CLCN6: variants seen among roughly 807,000 people sequenced by gnomAD.
CLCN6 encodes the protein Cl-/H+ antiporter 6.
A neutral mutation model predicts 109.8 loss-of-function variants in CLCN6; 70 were observed. The observed-to-expected ratio is 0.64, with a 90% confidence interval of 0.53 to 0.78. CLCN6 has a LOEUF of 0.78. Ranked by LOEUF, CLCN6 falls within the 30% of genes least tolerant of loss-of-function variation. The pLI, the probability that CLCN6 is intolerant of heterozygous loss-of-function variation, is 0.00. For missense variants in CLCN6, 984 were observed against 1,142.3 expected (o/e 0.86, Z 2.00); for synonymous variants, 444 against 447.8 (o/e 0.99, Z 0.11).
In CLCN6 at chr1:11,828,343, A is replaced by G. The variant is rs1644838613; in HGVS notation, c.955-115A>G. 25 of 1,444,054 alleles carry G rather than the reference A, an allele frequency of 1.7e-5. 2 individuals are homozygous for G. In the African/African-American group the frequency reaches 2.2e-4, roughly 13 times the overall value. 89.5% of individuals were successfully genotyped at this position (1,444,054 alleles called of 1,614,324 possible). A position where few individuals can be genotyped will look rare whatever the true frequency, so the allele number is the denominator to read the frequency against. On this transcript the variant is annotated intron_variant, in intron 11 of 22. Transcript: ENST00000346436. ...CTTCCAGGGACACATCTCACCCATTAGCCTCTGCCGTGCGGGAAAGCAGCC... is the reference window on the plus strand; with the variant it reads ...CTTCCAGGGACACATCTCACCCATTGGCCTCTGCCGTGCGGGAAAGCAGCC...
chr1:11,819,234 CT>C, intron 4 of CLCN6, among the ~76,000 whole-genome samples: 1 of 152,210 alleles, frequency 6.6e-6, no homozygotes, highest in Non-Finnish European at 1.5e-5. Context: ...ACCTGCTTCC[CT>C]CTTTGTTTTC....
Position 11,838,665 on chromosome 1 carries a change from G to A in CLCN6, c.2529+5G>A, listed in dbSNP as rs980034962. 1.2e-6 allele frequency: 2 copies of A among 1,614,250 alleles called. No individual in the cohort carries two copies. The highest frequency in any genetic ancestry group is 2.2e-5 in the East Asian group (1 of 44,894). ...GTGGTGAACGCTGTGGGAGAGGTGAGCGAGGCCCCGGCCCTGCCCCCACCT... is the reference window on the plus strand; with the variant it reads ...GTGGTGAACGCTGTGGGAGAGGTGAACGAGGCCCCGGCCCTGCCCCCACCT... On this transcript the variant is annotated splice_donor_5th_base_variant and intron_variant, in intron 22 of 22. Coordinates refer to ENST00000346436, the MANE Select transcript of CLCN6 (RefSeq NM_001286.5).
chr1:11,835,110 C>G (rs1269051895), intron 17 of CLCN6, among the ~76,000 whole-genome samples: 1 of 152,170 alleles, frequency 6.6e-6, no homozygotes, highest in Non-Finnish European at 1.5e-5. Context: ...GAGGGCCAGA[C>G]AGGAGTTTAT....
At chr1:11,835,641 G>A (rs576709826) in intron 17 of CLCN6, among the ~76,000 whole-genome samples, 7 of 152,302 alleles carry the variant, frequency 4.6e-5, no homozygotes, top group African/African-American at 7.2e-5. Flanking sequence ...TATGTGGAGC[G>A]TGCTGCAGGG....
chr1:11,824,625 C>A, intron 8 of CLCN6, 72 bp downstream of exon 8: 1 of 1,219,978 alleles, frequency 8.2e-7, no homozygotes, highest in East Asian at 2.5e-5. Context: ...GGGCCAAATC[C>A]ATTGGGACAC....
At chr1:11,812,838 A>G (rs1167922039) in intron 2 of CLCN6, among the ~76,000 whole-genome samples, 1 of 152,054 alleles carries the variant, frequency 6.6e-6, no homozygotes, top group Non-Finnish European at 1.5e-5. Context: ...TTATCTACCT[A>G]GAAACTGGAC....
intron 4 of CLCN6, among the ~76,000 whole-genome samples, chr1:11,818,820 C>T (rs1409615580): frequency 6.6e-6 from 1 of 152,194 alleles, no homozygotes; most frequent in Non-Finnish European, 1.5e-5. Context: ...CCTGTAATCC[C>T]AGCTACCTGG....
chr1:11,824,624 C>A, intron 8 of CLCN6, 71 bp downstream of exon 8: 1 of 1,233,276 alleles, frequency 8.1e-7, no homozygotes, highest in Non-Finnish European at 1.2e-6. Context: ...TGGGCCAAAT[C>A]CATTGGGACA....
In CLCN6 at chr1:11,825,129, G is replaced by T. The variant is rs553322861; in HGVS notation, c.648+576G>T. 2.0e-5 allele frequency among the ~76,000 whole-genome samples: 3 copies of T among 152,236 alleles called. No homozygotes were observed. The East Asian group carries it at 5.8e-4, about 29-fold the overall frequency. On this transcript the variant is annotated intron_variant, in intron 8 of 22. Transcript: ENST00000346436. ...GAGACCTCAAAGCTCCCATTCTTGGGGGCTACTCCAGATCCCTGGCTGCTG... is the reference window on the plus strand; with the variant it reads ...GAGACCTCAAAGCTCCCATTCTTGGTGGCTACTCCAGATCCCTGGCTGCTG...
At chr1:11,838,802 G>A (rs55741089) in intron 22 of CLCN6, 142 bp downstream of exon 22, 58,952 of 1,260,164 alleles carry the variant, frequency 0.047, 1,704 homozygotes, top group Non-Finnish European at 0.052. Flanking sequence ...TTTGAACCCT[G>A]CTCGGCTTCC....
In CLCN6 at chr1:11,839,065, C is replaced by T. The variant is rs796329064; in HGVS notation, c.2529+405C>T. ...CCTAGTAATTATTGCTGCAGACTTT[C>T]CTTTTTTCTTCTTTTTAGAACTTCA... On this transcript the variant is annotated intron_variant, in intron 22 of 22. Transcript: ENST00000346436. The T allele has an allele frequency of 1.0e-5, 6 of 593,038 alleles. No homozygotes were observed. The African/African-American group carries it at 1.1e-4, about 11-fold the overall frequency. The allele number at this position is 593,038 out of a possible 1,614,324, so 36.7% of individuals were successfully genotyped here.
At chr1:11,836,213 G>T in intron 18 of CLCN6, 60 bp downstream of exon 18, 2 of 1,496,244 alleles carry the variant, frequency 1.3e-6, no homozygotes, top group Non-Finnish European at 1.8e-6. Flanking sequence ...GTCTCACACG[G>T]CTTAGTGCTT....
At chr1:11,839,727 C>CA (rs1292983749) in intron 22 of CLCN6, among the ~76,000 whole-genome samples, 1 of 152,250 alleles carries the variant, frequency 6.6e-6, no homozygotes, top group Non-Finnish European at 1.5e-5. Flanking sequence ...ACAACAGTGA[C>CA]ACGTGGGAAC....
intron 17 of CLCN6, 106 bp from the exon 18 acceptor site, chr1:11,835,861 C>T: frequency 1.1e-6 from 1 of 882,526 alleles, no homozygotes; most frequent in Admixed American, 2.8e-5. Flanking sequence ...CAGAAGAGCC[C>T]CCCACCCCGC....
chr1:11,839,937 C>T (rs1463720085), intron 22 of CLCN6, among the ~76,000 whole-genome samples: 1 of 152,182 alleles, frequency 6.6e-6, no homozygotes, highest in East Asian at 1.9e-4. Flanking sequence ...GCCAGCTGGC[C>T]CAAGCCCTTT....
intron 7 of CLCN6, 91 bp downstream of exon 7, chr1:11,823,924 A>G: frequency 6.5e-7 from 1 of 1,538,850 alleles, no homozygotes; most frequent in Non-Finnish European, 8.9e-7. Context: ...TTTGGACTGC[A>G]GGGCCCAGCC....
At chr1:11,811,782 C>G (rs2100606630) in intron 2 of CLCN6, among the ~76,000 whole-genome samples, 1 of 152,254 alleles carries the variant, frequency 6.6e-6, no homozygotes, top group Non-Finnish European at 1.5e-5. Context: ...CTCCAGGCAA[C>G]CAGTGATCTC....
intron 12 of CLCN6, 134 bp downstream of exon 12, chr1:11,828,758 C>T (rs1644844947): frequency 1.0e-6 from 1 of 974,714 alleles, no homozygotes; most frequent in Non-Finnish European, 1.5e-6. Context: ...AATCTAAACA[C>T]GGCCATGCAT....
At position 11,840,669 on chromosome 1, in the gene CLCN6, T is replaced by C. The variant is rs1194547335; in HGVS notation, c.*446T>C. ...GGGAGATGCCAGTGACAACATACAG[T>C]TCATGACTAGGTTTAGGAATTGGGC... On this transcript the variant is annotated 3_prime_UTR_variant, in exon 23 of 23. Transcript: ENST00000346436. 4.3e-6 allele frequency: 1 copy of C among 233,762 alleles called. No individual in the cohort carries two copies. The highest frequency in any genetic ancestry group is 8.7e-6 in the Non-Finnish European group (1 of 114,292). 14.5% of individuals were successfully genotyped at this position (233,762 alleles called of 1,614,324 possible).
Sources: gnomAD v4.1 joint callset for allele counts (sites outside exome capture counted in the v4.1 genomes callset) on GRCh38, gnomAD v4.1.1 for gene constraint, MANE v1.5 for transcripts, NCBI Gene and HGNC (gene_info 2026-07-23, HGNC 2026-07-21) for gene names.